Variants in EPHA3 observed in about 807,000 individuals in gnomAD.
EPHA3 encodes ephrin type-A receptor 3.
A neutral mutation model predicts 107.1 loss-of-function variants in EPHA3; 42 were observed. That is an observed-to-expected ratio of 0.39 (90% CI 0.31 to 0.51). The LOEUF (loss-of-function observed/expected upper bound fraction) is 0.51, where lower values mean the gene tolerates loss of function less well. Among genes scored for constraint, EPHA3 ranks in the 20% least tolerant of loss-of-function variants. The probability of loss-of-function intolerance (pLI) is 0.78; values close to 1 mark genes in which losing one functional copy is unlikely to be tolerated. For missense variants in EPHA3, 1,183 were observed against 1,211.2 expected, an observed-to-expected ratio of 0.98 and a Z score of 0.35; for synonymous variants, 461 against 424.8, an observed-to-expected ratio of 1.09 and a Z score of -1.05.
At chr3:89,289,463 C>A (rs1706162405) in intron 3 of EPHA3, among the ~76,000 whole-genome samples, 1 of 152,016 alleles carries the variant, frequency 6.6e-6, no homozygotes, top group African/African-American at 2.4e-5. Flanking sequence ...TAAAGTAATT[C>A]ATCCTGTATA....
chr3:89,362,870 G>T (rs1438624819), intron 5 of EPHA3, among the ~76,000 whole-genome samples: 1 of 150,822 alleles, frequency 6.6e-6, no homozygotes, highest in Non-Finnish European at 1.5e-5. Flanking sequence ...ATTGACCAAG[G>T]TTATATTTAC....
chr3:89,395,816 C>T, intron 5 of EPHA3, 21 bp from the exon 6 acceptor site: 1 of 1,612,340 alleles, frequency 6.2e-7, no homozygotes, highest in African/African-American at 1.3e-5. Flanking sequence ...TCCACCTTCC[C>T]CTCCCATCCT....
chr3:89,452,698 A>G (rs1454272102), intron 15 of EPHA3, among the ~76,000 whole-genome samples: 1 of 152,052 alleles, frequency 6.6e-6, no homozygotes, highest in Non-Finnish European at 1.5e-5. Flanking sequence ...TTAATTTGAT[A>G]TAATCCCTCC....
intron 3 of EPHA3, among the ~76,000 whole-genome samples, chr3:89,212,942 T>C (rs1300958768): frequency 6.6e-6 from 1 of 151,982 alleles, no homozygotes; most frequent in African/African-American, 2.4e-5. Flanking sequence ...TTGATGACTA[T>C]CCAAAATTAT....
chr3:89,291,774 T>C (rs1706211589), intron 3 of EPHA3, among the ~76,000 whole-genome samples: 1 of 152,186 alleles, frequency 6.6e-6, no homozygotes. Flanking sequence ...ACTGTTACCC[T>C]GTGATGCTCA....
chr3:89,154,449 T>C (rs1442521318), intron 2 of EPHA3, among the ~76,000 whole-genome samples: 1 of 151,984 alleles, frequency 6.6e-6, no homozygotes, highest in Non-Finnish European at 1.5e-5. Context: ...GTGGTGCTTA[T>C]ATACTGCTAA....
intron 5 of EPHA3, among the ~76,000 whole-genome samples, chr3:89,391,577 G>A (rs1471000569): frequency 2.0e-5 from 3 of 150,728 alleles, no homozygotes; most frequent in Non-Finnish European, 3.0e-5. Context: ...ATAGGTGCCC[G>A]CCACCATGCC....
At chr3:89,312,566 C>T (rs1009890181) in intron 3 of EPHA3, among the ~76,000 whole-genome samples, 9 of 151,362 alleles carry the variant, frequency 5.9e-5, no homozygotes, top group South Asian at 2.1e-4. Flanking sequence ...TCATTATACC[C>T]GTTATAGTTT....
intron 3 of EPHA3, among the ~76,000 whole-genome samples, chr3:89,296,916 A>G (rs1706367216): frequency 6.6e-6 from 1 of 152,086 alleles, no homozygotes; most frequent in Admixed American, 6.6e-5. Flanking sequence ...TTGCAGTTTT[A>G]TATTATGCAG....
chr3:89,204,819 A>T (rs931937759), intron 2 of EPHA3, among the ~76,000 whole-genome samples: 1 of 152,154 alleles, frequency 6.6e-6, no homozygotes, highest in Non-Finnish European at 1.5e-5. Context: ...CGAAGACTGG[A>T]TTTTGAAATG....
At chr3:89,396,064 G>C (rs1708846125) in intron 6 of EPHA3, 103 bp downstream of exon 6, 1 of 1,500,702 alleles carries the variant, frequency 6.7e-7, no homozygotes, top group Non-Finnish European at 9.1e-7. Flanking sequence ...GTAAATGGTA[G>C]AGCACTGTTT....
At chr3:89,329,684 C>G (rs1239725524) in intron 3 of EPHA3, among the ~76,000 whole-genome samples, 1 of 151,914 alleles carries the variant, frequency 6.6e-6, no homozygotes, top group African/African-American at 2.4e-5. Flanking sequence ...TATAAATTAA[C>G]CATTTTAAAG....
Sources: allele counts gnomAD v4.1 joint callset (sites outside exome capture counted in the v4.1 genomes callset), GRCh38; gene constraint gnomAD v4.1.1; transcripts MANE v1.5; gene names NCBI Gene and HGNC (gene_info 2026-07-23, HGNC 2026-07-21).